The following BEST4 variants were observed in gnomAD, a reference collection of about 807,000 sequenced individuals.
BEST4 encodes bestrophin 4, also known as bestrophin-4.
Under a neutral mutation model 47.1 loss-of-function variants are expected in BEST4, and 36 were observed. The ratio of observed to expected loss-of-function variants is 0.76; its 90% CI spans 0.59 to 1.01. The LOEUF (loss-of-function observed/expected upper bound fraction) is 1.01. BEST4 is among the 50% of genes least tolerant of loss of function. The pLI is 0.00. For missense variants in BEST4, 550 were observed against 648.6 expected (o/e 0.85, Z 1.65); for synonymous variants, 250 against 277.8 (o/e 0.90, Z 1.00).
In BEST4 at chr1:44,784,811, C is replaced by A; in HGVS notation, c.994-28G>T. ...GGGCCACCAGCAAGTTACAAGGATC[C>A]TCCTCTCCTCTCCTTCCCACGGCCG... On this transcript the variant is annotated intron_variant, in intron 7 of 8. Coordinates refer to ENST00000372207, the MANE Select transcript of BEST4 (RefSeq NM_153274.3). This position sits in a 1 kb window ranked among gnomAD's most constrained non-coding sequence, Gnocchi z 6.2. The A allele has an allele frequency of 6.3e-7, 1 of 1,596,154 alleles. No homozygotes were observed. The highest frequency in any genetic ancestry group is 8.5e-7 in the Non-Finnish European group (1 of 1,170,548).
chr1:44,792,156 C>T (rs754441601), upstream of BEST4, among the ~76,000 whole-genome samples: 1 of 152,112 alleles, frequency 6.6e-6, no homozygotes, highest in Non-Finnish European at 1.5e-5. Context: ...ACAGAAGAAT[C>T]GCTTGAACCT....
chr1:44,791,233 T>C (rs113602721), upstream of BEST4, among the ~76,000 whole-genome samples: 1 of 84,888 alleles, frequency 1.2e-5, no homozygotes. Context: ...AGAGAGAGTA[T>C]GTGTGTGTGT....
At chr1:44,787,083 C>T (rs2148848616) in intron 2 of BEST4, among the ~76,000 whole-genome samples, 1 of 151,968 alleles carries the variant, frequency 6.6e-6, no homozygotes, top group East Asian at 1.9e-4. Context: ...CACCCAGCTC[C>T]TGTGCCTGCT....
In BEST4 at chr1:44,787,568, A is replaced by C. The variant is rs1286700190; in HGVS notation, c.138T>G (p.Leu46=). The C allele has an allele frequency of 6.2e-7, 1 of 1,614,062 alleles. No individual in the cohort carries two copies. Among genetic ancestry groups the C allele is most frequent in the African/African-American group, 1.3e-5 (1 of 74,940 alleles). The change falls in exon 1 of 9, where the codon CTT becomes CTG. Residue 46 remains leucine, a synonymous_variant. Coordinates refer to ENST00000372207, the MANE Select transcript of BEST4 (RefSeq NM_153274.3). ...CCTGCCCTTACCGGTAGGTGATGCT[A>C]AGCACAGCGTACAAGGCCCCAAAGA... The part of the protein sequence containing the change: ...FLLFGALYAV[L]SITYRLLLTQ...
Position 44,787,684 on chromosome 1 carries a change from T to A in BEST4, c.22A>T (p.Lys8Ter). 6.2e-7 allele frequency: 1 copy of A among 1,614,118 alleles called. No homozygotes were observed. Among genetic ancestry groups the A allele is most frequent in the Non-Finnish European group, 8.5e-7 (1 of 1,180,016 alleles). The change falls in exon 1 of 9, where the codon AAA (lysine) becomes TAA (stop). Residue 8 changes from lysine to a stop codon, truncating the protein, a stop_gained. Coordinates refer to ENST00000372207, the MANE Select transcript of BEST4 (RefSeq NM_153274.3). LOFTEE classifies it high-confidence loss of function. The stretch of plus-strand genomic sequence containing the variant: ...CCTCCGAAGCGGGCCTCCGCCACTT[T>A]GAGAGTGTATGAAACCGTCATGGTG... MTVSYTL[K>*]VAEARFGGFS...
In BEST4 at chr1:44,788,108, C is replaced by T. The variant is rs952837701; in HGVS notation, c.-403G>A. Among the ~76,000 whole-genome samples, 8 of 152,234 alleles carry T rather than the reference C, an allele frequency of 5.3e-5. No individual in the cohort carries two copies. Among genetic ancestry groups the T allele is most frequent in the Non-Finnish European group, 1.5e-5 (1 of 68,038 alleles). On this transcript the variant is annotated 5_prime_UTR_variant, in exon 1 of 9. The change creates a new upstream start codon in the 5' untranslated region. Transcript: ENST00000372207. ...ACTAGAACTACCAGGGCCCAGGGCA[C>T]TCTCACCCCCATCCCATACCTGCCT...
In BEST4 at chr1:44,787,327, G is replaced by C. The variant is rs369805079; in HGVS notation, c.247+45C>G. 3.0e-4 allele frequency: 485 copies of C among 1,598,676 alleles called. 1 individual carries two copies. The highest frequency in any genetic ancestry group is 3.9e-4 in the Non-Finnish European group (458 of 1,166,488). On this transcript the variant is annotated intron_variant, in intron 2 of 8. Transcript: ENST00000372207. The stretch of plus-strand genomic sequence containing the variant: ...CTGTCAACCCAACCCAGAGGTCAGG[G>C]AACACAGTAAGGGGGACACAGGGAA...
chr1:44,789,970 C>A (rs1431754409), upstream of BEST4, among the ~76,000 whole-genome samples: 2 of 152,214 alleles, frequency 1.3e-5, no homozygotes, highest in Non-Finnish European at 2.9e-5. Flanking sequence ...TGAACCCCAG[C>A]TCTTTGTAAC....
rs1452217821 is a variant in BEST4 at position 44,784,352 on chromosome 1, A to T, written c.1280T>A (p.Leu427His). ...GVGAPSPAIS[L>H]RNFGRVRGTP... ...GCCTCGCACGCGGCCGAAGTTCCGG[A>T]GGCTGATGGCCGGGGAGGGCGCCCC... Residue 427 changes from leucine to histidine, a missense_variant, in exon 9 of 9, where the codon CTC becomes CAC. By Grantham distance (99) the Leu-to-His change is moderately conservative. Around this residue, in one of 3 missense-constraint regions of BEST4, gnomAD observed 255 missense variants for 286.6 expected, o/e 0.89. Transcript: ENST00000372207. This position sits in a 1 kb window ranked among gnomAD's most constrained non-coding sequence, Gnocchi z 6.2. The T allele has an allele frequency of 2.2e-6, 3 of 1,391,870 alleles. No individual in the cohort carries two copies. Among genetic ancestry groups the T allele is most frequent in the Non-Finnish European group, 2.8e-6 (3 of 1,082,574 alleles). 86.2% of individuals were successfully genotyped at this position (1,391,870 alleles called of 1,614,324 possible). A position where few individuals can be genotyped will look rare whatever the true frequency, so the allele number is the denominator to read the frequency against.
Position 44,786,537 on chromosome 1 carries a change from G to T in BEST4, c.407C>A (p.Ser136Tyr). The T allele has an allele frequency of 6.4e-6, 10 of 1,550,776 alleles. No individual in the cohort carries two copies. Among genetic ancestry groups the T allele is most frequent in the Non-Finnish European group, 7.8e-6 (9 of 1,147,992 alleles). The part of the protein sequence containing the change: ...RTLIRYANLA[S>Y]VLVLRSVSTR... ...GCTGACCGAGCGCAGCACCAGCACG[G>T]ACGCCAGGTTCGCGTAGCGGATGAG... The change falls in exon 3 of 9, where the codon TCC becomes TAC. Residue 136 changes from serine (S) to tyrosine (Y), a missense_variant. Physicochemically the swap from Ser to Tyr is moderately radical, Grantham distance 144. This residue lies in a region of BEST4 where 291 missense variants were observed against 342.4 expected (regional missense o/e 0.85). Coordinates refer to ENST00000372207, the MANE Select transcript of BEST4 (RefSeq NM_153274.3). The surrounding 1 kb of genome is among the most constrained non-coding windows in gnomAD (Gnocchi z 4.9).
Position 44,786,237 on chromosome 1 carries a change from G to T in BEST4, c.482-9C>A, listed in dbSNP as rs376760826. 3.7e-6 allele frequency: 6 copies of T among 1,608,806 alleles called. No individual in the cohort carries two copies. In the South Asian group the frequency reaches 4.4e-5, roughly 12 times the overall value. The stretch of plus-strand genomic sequence containing the variant: ...TTCCTGGGACATGAAACCTGAGGGG[G>T]TAAAGCAGGTGGGGTGCAGTTGCAC... On this transcript the variant is annotated splice_polypyrimidine_tract_variant and intron_variant, in intron 3 of 8. Coordinates refer to ENST00000372207, the MANE Select transcript of BEST4 (RefSeq NM_153274.3). This position sits in a 1 kb window ranked among gnomAD's most constrained non-coding sequence, Gnocchi z 4.9.
At chr1:44,789,436 C>T (rs1240023790), upstream of BEST4, among the ~76,000 whole-genome samples, 1 of 148,030 alleles carries the variant, frequency 6.8e-6, no homozygotes, top group Non-Finnish European at 1.5e-5. Flanking sequence ...CTGTGACTCA[C>T]GCCTGTAATC....
upstream of BEST4, among the ~76,000 whole-genome samples, chr1:44,790,207 C>T (rs1651376894): frequency 6.6e-6 from 1 of 152,158 alleles, no homozygotes; most frequent in Admixed American, 6.6e-5. Flanking sequence ...CCAAGCCAGA[C>T]AGTCCCTGAG....
In BEST4 at chr1:44,785,568, C is replaced by T. The variant is rs993148548; in HGVS notation, c.714+31G>A. On this transcript the variant is annotated intron_variant, in intron 5 of 8. Transcript: ENST00000372207. ...CACACAGCACAGGACATACAGTAGG[C>T]ACTGGGACTCGGGAGGGGAGAGGCA... is the stretch of plus-strand genomic sequence containing the variant. The T allele has an allele frequency of 4.6e-6, 7 of 1,516,366 alleles. No homozygotes were observed. The African/African-American group carries it at 8.3e-5, about 18-fold the overall frequency. 93.9% of individuals were successfully genotyped at this position (1,516,366 alleles called of 1,614,324 possible). A position where few individuals can be genotyped will look rare whatever the true frequency, so the allele number is the denominator to read the frequency against.
rs1441898528 is a variant in BEST4, at chr1:44,784,196, G to T, written c.*14C>A. ...GCAGTGGGTGGGGGAAACCGGGCGG[G>T]GGCAGGCGAGACCTCAGGGCTCCAG... On this transcript the variant is annotated 3_prime_UTR_variant, in exon 9 of 9. Transcript: ENST00000372207. This position sits in a 1 kb window ranked among gnomAD's most constrained non-coding sequence, Gnocchi z 6.2. 7.1e-7 allele frequency: 1 copy of T among 1,402,296 alleles called. No individual in the cohort carries two copies. The highest frequency in any genetic ancestry group is 9.2e-7 in the Non-Finnish European group (1 of 1,088,104). The allele number at this position is 1,402,296 out of a possible 1,614,324, so 86.9% of individuals were successfully genotyped here.
At chr1:44,785,416 T>C in intron 5 of BEST4, 111 bp from the exon 6 acceptor site, 1 of 1,295,028 alleles carries the variant, frequency 7.7e-7, no homozygotes, top group African/African-American at 1.5e-5. Context: ...ACATGTATCC[T>C]GGTGTGGCAG....
In BEST4 at chr1:44,783,834, G is replaced by A. The variant is rs1573595680; in HGVS notation, c.*376C>T. On this transcript the variant is annotated 3_prime_UTR_variant, in exon 9 of 9. Coordinates refer to ENST00000372207, the MANE Select transcript of BEST4 (RefSeq NM_153274.3). ...CAAATCTAACGTGCCAGAAATGCTG[G>A]GAGTGGTGCCCAGCACTCTTTTGAC... 1 of 181,814 alleles carries A rather than the reference G, an allele frequency of 5.5e-6. No homozygotes were observed. Among genetic ancestry groups the A allele is most frequent in the East Asian group, 1.4e-4 (1 of 7,268 alleles). 11.3% of individuals were successfully genotyped at this position (181,814 alleles called of 1,614,324 possible).
In BEST4 at chr1:44,783,654, C is replaced by T. The variant is rs1312534299; in HGVS notation, c.*556G>A. On this transcript the variant is annotated 3_prime_UTR_variant, in exon 9 of 9. Coordinates refer to ENST00000372207, the MANE Select transcript of BEST4 (RefSeq NM_153274.3). ...AACATTACAAACAAGGCAAAAGTCC[C>T]CCAGCACACACTGACCCTTCTTTTG... 1.3e-5 allele frequency: 2 copies of T among 152,406 alleles called. No homozygotes were observed. The highest frequency in any genetic ancestry group is 2.9e-5 in the Non-Finnish European group (2 of 68,272). The allele number at this position is 152,406 out of a possible 1,614,324, so 9.4% of individuals were successfully genotyped here.
intron 2 of BEST4, among the ~76,000 whole-genome samples, 154 bp downstream of exon 2, chr1:44,787,218 C>T (rs1445007891): frequency 2.0e-5 from 3 of 148,692 alleles, no homozygotes; most frequent in African/African-American, 5.0e-5. Context: ...TGGGCTCAAG[C>T]GATCCTCTCA....
Sources: gnomAD v4.1 joint callset for allele counts (sites outside exome capture counted in the v4.1 genomes callset) on GRCh38, gnomAD v4.1.1 for gene constraint, gnomAD v4.1.1 regional missense constraint, Gnocchi (gnomAD v3.1) non-coding constraint, MANE v1.5 for transcripts, NCBI Gene and HGNC (gene_info 2026-07-23, HGNC 2026-07-21) for gene names.